The following COPS7A variants were observed in gnomAD, a reference collection of about 807,000 sequenced individuals.
COPS7A encodes COP9 signalosome complex subunit 7a.
COPS7A carries 20 observed loss-of-function variants against 35.2 expected under a neutral mutation model. The observed-to-expected ratio is 0.57, with a 90% CI of 0.40 to 0.83. COPS7A has a LOEUF of 0.83. COPS7A is among the 40% of genes least tolerant of loss of function. COPS7A has a pLI of 0.00. For missense variants in COPS7A, 247 were observed against 347.5 expected (o/e 0.71, Z 2.30); for synonymous variants, 139 against 141.4 (o/e 0.98, Z 0.12).
rs1388925425 is a variant in COPS7A, at chr12:6,729,461, ATCCTGGCACTG to A, written c.530+16_530+26del. 1 of 1,611,434 alleles carries A rather than the reference ATCCTGGCACTG, an allele frequency of 6.2e-7. No homozygotes were observed. Among genetic ancestry groups the A allele is most frequent in the Non-Finnish European group, 8.5e-7 (1 of 1,179,676 alleles). On this transcript the variant is annotated intron_variant, in intron 5 of 7. Transcript: ENST00000543155. The surrounding 1 kb of genome is among the most constrained non-coding windows in gnomAD (Gnocchi z 4.2). ...ACCCTGCAGGAATGGTGAGAACCGT[ATCCTGGCACTG>A]TCCCCTTCTCACCCTGAGAAAGAGA...
chr12:6,726,055 C>A, intron 2 of COPS7A: 1 of 379,970 alleles, frequency 2.6e-6, no homozygotes, highest in Non-Finnish European at 5.3e-6. Context: ...TGGCTCATGC[C>A]TGTAATCCCA....
intron 4 of COPS7A, 126 bp downstream of exon 4, chr12:6,728,437 T>C (rs1294794940): frequency 1.6e-6 from 1 of 644,336 alleles, no homozygotes; most frequent in Admixed American, 3.1e-5. Flanking sequence ...AAGGTCTGTA[T>C]ATAAACTCCA....
chr12:6,729,486 C>G lies in COPS7A; in HGVS notation c.530+37C>G, dbSNP rs775179871. 3 of 1,597,284 alleles carry G rather than the reference C, an allele frequency of 1.9e-6. No homozygotes were observed. In the Admixed American group the frequency reaches 5.1e-5, roughly 27 times the overall value. ...ATCCTGGCACTGTCCCCTTCTCACCCTGAGAAAGAGAAAGGCGCTTCAGGG... is the reference window on the plus strand; with the variant it reads ...ATCCTGGCACTGTCCCCTTCTCACCGTGAGAAAGAGAAAGGCGCTTCAGGG... On this transcript the variant is annotated intron_variant, in intron 5 of 7. Transcript: ENST00000543155. The surrounding 1 kb of genome is among the most constrained non-coding windows in gnomAD (Gnocchi z 4.2).
At chr12:6,724,294 CG>C in intron 1 of COPS7A, 115 bp downstream of exon 1, 1 of 399,626 alleles carries the variant, frequency 2.5e-6, no homozygotes, top group Non-Finnish European at 4.9e-6. Context: ...TGGGCGCGTG[CG>C]GGGCAGCAAT....
intron 2 of COPS7A, among the ~76,000 whole-genome samples, chr12:6,726,863 G>C (rs1941270795): frequency 6.6e-6 from 1 of 152,158 alleles, no homozygotes; most frequent in African/African-American, 2.4e-5. Context: ...CCCTTCTGAA[G>C]CTTGCATTCC....
intron 4 of COPS7A, 98 bp downstream of exon 4, chr12:6,728,409 C>T: frequency 1.2e-5 from 10 of 854,672 alleles, no homozygotes; most frequent in South Asian, 3.2e-5. Context: ...GTGGCTGCTT[C>T]CTGCCCTCCC....
intron 2 of COPS7A, among the ~76,000 whole-genome samples, chr12:6,726,369 C>T (rs548261219): frequency 1.0e-4 from 15 of 149,572 alleles, no homozygotes; most frequent in African/African-American, 3.2e-4. Context: ...TTTGGGAGGC[C>T]GAGGTGGGTG....
In COPS7A at chr12:6,730,517, C is replaced by T. The variant is rs758548997; in HGVS notation, c.636+10C>T. Reference sequence around the variant, plus strand: ...GCAGATTGAGAGTGAGGTGAGCAGTCAGGGGAGCAGGCAGACCCAAACTCC... The same window carrying T: ...GCAGATTGAGAGTGAGGTGAGCAGTTAGGGGAGCAGGCAGACCCAAACTCC... On this transcript the variant is annotated intron_variant, in intron 6 of 7. Transcript: ENST00000543155. The T allele has an allele frequency of 6.8e-6, 11 of 1,613,828 alleles. No individual in the cohort carries two copies. In the South Asian group the frequency reaches 1.2e-4, roughly 18 times the overall value.
Position 6,727,970 on chromosome 12 carries a change from G to A in COPS7A, c.207G>A (p.Val69=). The A allele has an allele frequency of 6.2e-7, 1 of 1,614,164 alleles. No individual in the cohort carries two copies. Among genetic ancestry groups the A allele is most frequent in the South Asian group, 1.1e-5 (1 of 91,088 alleles). The change falls in exon 3 of 8, where the codon GTG becomes GTA. Residue 69 remains valine (V), a synonymous_variant. Coordinates refer to ENST00000543155, the MANE Select transcript of COPS7A (RefSeq NM_001164094.2). ...CCTCTACCTTCCGGCTGCTCACAGT[G>A]TTTGCTTATGGGACATACGCTGACT... ...DFASTFRLLT[V]FAYGTYADYL...
intron 1 of COPS7A, 103 bp from the exon 2 acceptor site, chr12:6,724,511 C>T (rs1941199704): frequency 3.1e-6 from 3 of 956,860 alleles, no homozygotes; most frequent in Admixed American, 1.8e-5. Flanking sequence ...GATTCCTCAC[C>T]GCAGAACCGA....
chr12:6,728,420 C>T (rs1263005828), intron 4 of COPS7A, 109 bp downstream of exon 4: 4 of 770,994 alleles, frequency 5.2e-6, no homozygotes, highest in East Asian at 5.3e-5. Context: ...CTGCCCTCCC[C>T]TCCTCCAAGG....
At chr12:6,730,578 T>A in intron 6 of COPS7A, 71 bp downstream of exon 6, 1 of 1,611,590 alleles carries the variant, frequency 6.2e-7, no homozygotes, top group Non-Finnish European at 8.5e-7. Flanking sequence ...CAGAGAGAAT[T>A]TGGACAGTGG....
rs1472063389 is a variant in COPS7A at position 6,729,696 on chromosome 12, T to C, written c.530+247T>C. Reference sequence around the variant, plus strand: ...AAAGGGAGTGGTATACTTAAGGGGATCCTAACCAGCAAGGTCGGTCGCCTG... The same window carrying C: ...AAAGGGAGTGGTATACTTAAGGGGACCCTAACCAGCAAGGTCGGTCGCCTG... On this transcript the variant is annotated intron_variant, in intron 5 of 7. Transcript: ENST00000543155. The surrounding 1 kb of genome is among the most constrained non-coding windows in gnomAD (Gnocchi z 4.2). Among the ~76,000 whole-genome samples, 1 of 152,104 alleles carries C rather than the reference T, an allele frequency of 6.6e-6. No individual in the cohort carries two copies. Among genetic ancestry groups the C allele is most frequent in the African/African-American group, 2.4e-5 (1 of 41,418 alleles).
In COPS7A at chr12:6,724,808, A is replaced by G. The variant is rs1471605273; in HGVS notation, c.152A>G (p.Asn51Ser). ...TTTGGAGAACTGCTGGACATGCCCA[A>G]TGTTAGAGAGGTGGGTTGCTGGCTT... ...YVFGELLDMP[N>S]VRELAESDFA... Residue 51 changes from asparagine (N) to serine (S), a missense_variant, in exon 2 of 8, where the codon AAT (asparagine) becomes AGT (serine). By Grantham distance (46) the Asn-to-Ser change is conservative (BLOSUM62 1). Coordinates refer to ENST00000543155, the MANE Select transcript of COPS7A (RefSeq NM_001164094.2). 6 of 1,613,992 alleles carry G rather than the reference A, an allele frequency of 3.7e-6. No individual in the cohort carries two copies. The highest frequency in any genetic ancestry group is 1.3e-5 in the African/African-American group (1 of 74,920).
chr12:6,731,130 A>G lies in COPS7A; in HGVS notation c.*91A>G. On this transcript the variant is annotated 3_prime_UTR_variant, in exon 8 of 8. Coordinates refer to ENST00000543155, the MANE Select transcript of COPS7A (RefSeq NM_001164094.2). The stretch of plus-strand genomic sequence containing the variant: ...CAGAGAGCCTTCTGTGCCCCTGGCC[A>G]GCTGATAATCCTAGGTTCATGACCC... 3.1e-6 allele frequency: 5 copies of G among 1,612,104 alleles called. No homozygotes were observed. Among genetic ancestry groups the G allele is most frequent in the Middle Eastern group, 1.6e-4 (1 of 6,062 alleles).
chr12:6,724,328 AG>A, intron 1 of COPS7A, 149 bp downstream of exon 1: 1 of 433,036 alleles, frequency 2.3e-6, no homozygotes, highest in Non-Finnish European at 4.4e-6. Context: ...GAGCGTCGTC[AG>A]GGTGGACACC....
In COPS7A at chr12:6,731,150, T is replaced by C; in HGVS notation, c.*111T>C. 1 of 1,602,750 alleles carries C rather than the reference T, an allele frequency of 6.2e-7. No individual in the cohort carries two copies. The highest frequency in any genetic ancestry group is 8.5e-7 in the Non-Finnish European group (1 of 1,174,188). On this transcript the variant is annotated 3_prime_UTR_variant, in exon 8 of 8. Coordinates refer to ENST00000543155, the MANE Select transcript of COPS7A (RefSeq NM_001164094.2). ...TGGCCAGCTGATAATCCTAGGTTCA[T>C]GACCCTTCACCTCCCCTAACCCCAA... is the stretch of plus-strand genomic sequence containing the variant.
chr12:6,731,116 C>G lies in COPS7A; in HGVS notation c.*77C>G. ...CTCTTAGGAGTCCTCAGAGAGCCTT[C>G]TGTGCCCCTGGCCAGCTGATAATCC... On this transcript the variant is annotated 3_prime_UTR_variant, in exon 8 of 8. Coordinates refer to ENST00000543155, the MANE Select transcript of COPS7A (RefSeq NM_001164094.2). 1.9e-6 allele frequency: 3 copies of G among 1,613,364 alleles called. No homozygotes were observed.
Position 6,729,199 on chromosome 12 carries a change from C to T in COPS7A, c.328-48C>T. ...GGAGGGAAGATTTTTGGAAGCCCTT[C>T]TCTACTACGGAGCGTCACAAATCCT... On this transcript the variant is annotated intron_variant, in intron 4 of 7. Transcript: ENST00000543155. The surrounding 1 kb of genome is among the most constrained non-coding windows in gnomAD (Gnocchi z 4.2). 1 of 1,599,772 alleles carries T rather than the reference C, an allele frequency of 6.3e-7. No homozygotes were observed. The highest frequency in any genetic ancestry group is 8.6e-7 in the Non-Finnish European group (1 of 1,167,538).
Sources: allele counts gnomAD v4.1 joint callset (sites outside exome capture counted in the v4.1 genomes callset), GRCh38; gene constraint gnomAD v4.1.1; non-coding constraint Gnocchi (gnomAD v3.1); transcripts MANE v1.5; gene names NCBI Gene and HGNC (gene_info 2026-07-23, HGNC 2026-07-21).